EPHB2: variants seen among roughly 807,000 people sequenced by gnomAD.
The protein encoded by EPHB2 is ephrin type-B receptor 2.
In EPHB2, 18 loss-of-function variants were observed where a neutral mutation model predicts 96.4. The observed-to-expected ratio is 0.19, with a 90% CI of 0.13 to 0.28. The LOEUF (loss-of-function observed/expected upper bound fraction) is 0.28, where lower values mean the gene tolerates loss of function less well. EPHB2 is among the 10% of genes least tolerant of loss of function. EPHB2 has a pLI of 1.00. For missense variants in EPHB2, 989 were observed against 1,355.4 expected (o/e 0.73, Z 4.25); for synonymous variants, 506 against 534.1 (o/e 0.95, Z 0.72).
At chr1:22,768,278 A>G (rs1644333110) in intron 1 of EPHB2, among the ~76,000 whole-genome samples, 1 of 152,128 alleles carries the variant, frequency 6.6e-6, no homozygotes, top group Non-Finnish European at 1.5e-5. Context: ...CAGTTTCCTC[A>G]TCTGTAACAT....
At chr1:22,804,549 GACTC>G (rs1202629250) in intron 3 of EPHB2, among the ~76,000 whole-genome samples, 1 of 152,028 alleles carries the variant, frequency 6.6e-6, no homozygotes, top group Non-Finnish European at 1.5e-5. Flanking sequence ...CAGTCATGCA[GACTC>G]ACTCACAGTC....
At chr1:22,907,006 G>A in intron 11 of EPHB2, 49 bp downstream of exon 11, 2 of 1,560,376 alleles carry the variant, frequency 1.3e-6, no homozygotes, top group African/African-American at 1.4e-5. Flanking sequence ...GCAGGAAAAG[G>A]AACGATGGAC....
At chr1:22,742,225 C>T (rs1643912803) in intron 1 of EPHB2, among the ~76,000 whole-genome samples, 1 of 152,150 alleles carries the variant, frequency 6.6e-6, no homozygotes, top group South Asian at 2.1e-4. Context: ...CATAGGGTCC[C>T]TGACATGAGG....
In EPHB2 at chr1:22,741,697, C is replaced by CA. The variant is rs1219464678; in HGVS notation, c.61+30660dup. Among the ~76,000 whole-genome samples, 41 of 57,402 alleles carry CA rather than the reference C, an allele frequency of 7.1e-4. 1 individual carries two copies. The highest frequency in any genetic ancestry group is 1.5e-3 in the African/African-American group (32 of 20,806). The allele number at this position is 57,402 out of a possible 152,430, so 37.7% of individuals were successfully genotyped here. A position where few individuals can be genotyped will look rare whatever the true frequency, so the allele number is the denominator to read the frequency against. On this transcript the variant is annotated intron_variant, in intron 1 of 15. Transcript: ENST00000374630. ...TTCCCAGCAAAAAAAAACAAAAAAACAAAAAACCTCAGTTTCTCACGTTGG... is the reference window on the plus strand; with the variant it reads ...TTCCCAGCAAAAAAAAACAAAAAAACAAAAAAACCTCAGTTTCTCACGTTGG...
intron 4 of EPHB2, among the ~76,000 whole-genome samples, chr1:22,864,325 T>A (rs1262648080): frequency 6.7e-6 from 1 of 148,424 alleles, no homozygotes; most frequent in East Asian, 1.9e-4. Flanking sequence ...GGATTACAGG[T>A]GTTAGCCACT....
At chr1:22,827,649 G>A (rs543738908) in intron 3 of EPHB2, among the ~76,000 whole-genome samples, 3 of 152,198 alleles carry the variant, frequency 2.0e-5, no homozygotes, top group African/African-American at 7.2e-5. Context: ...CATGTAAAGC[G>A]CCTGGGTCAT....
chr1:22,785,593 T>C (rs138333344), intron 3 of EPHB2, among the ~76,000 whole-genome samples: 40 of 152,346 alleles, frequency 2.6e-4, no homozygotes, highest in African/African-American at 8.4e-4. Context: ...GAGAGCCAAA[T>C]GGATGGAGCA....
intron 1 of EPHB2, among the ~76,000 whole-genome samples, chr1:22,766,373 C>A (rs907301391): frequency 7.9e-5 from 12 of 152,162 alleles, no homozygotes; most frequent in Non-Finnish European, 1.6e-4. Flanking sequence ...TGATTATTAT[C>A]CCTGTTCAAA....
chr1:22,712,487 G>C (rs562700258), intron 1 of EPHB2, among the ~76,000 whole-genome samples: 1 of 152,320 alleles, frequency 6.6e-6, no homozygotes, highest in East Asian at 1.9e-4. Flanking sequence ...AGACGTGGGG[G>C]CTGCGGCCTC....
Position 22,858,793 on chromosome 1 carries a change from C to T in EPHB2, c.812-4244C>T, listed in dbSNP as rs1168508673. On this transcript the variant is annotated intron_variant, in intron 3 of 15. Coordinates refer to ENST00000374630, the MANE Select transcript of EPHB2 (RefSeq NM_017449.5). This position sits in a 1 kb window ranked among gnomAD's most constrained non-coding sequence, Gnocchi z 7.7. Reference sequence around the variant, plus strand: ...AGAATTGGCCTCTGCTACTGAAGAGCTATGTCTGTCTGTTCCTCTCTGGGC... The same window carrying T: ...AGAATTGGCCTCTGCTACTGAAGAGTTATGTCTGTCTGTTCCTCTCTGGGC... 2.0e-5 allele frequency among the ~76,000 whole-genome samples: 3 copies of T among 152,158 alleles called. No homozygotes were observed. Among genetic ancestry groups the T allele is most frequent in the Non-Finnish European group, 4.4e-5 (3 of 68,026 alleles).
In EPHB2 at chr1:22,912,533, A is replaced by G. The variant is rs760652225; in HGVS notation, c.2786A>G (p.Gln929Arg). The change falls in exon 15 of 16, where the codon CAG becomes CGG. Residue 929 changes from glutamine to arginine, a missense_variant. Transcript: ENST00000374630. ...TGGCTGGAGGCCATCAAGATGGGGC[A>G]GTACAAGGAGAGCTTCGCCAATGCC... is the stretch of plus-strand genomic sequence containing the variant. ...DEWLEAIKMG[Q>R]YKESFANAGF... is the part of the protein sequence containing the mutation. 4 of 1,614,174 alleles carry G rather than the reference A, an allele frequency of 2.5e-6. No homozygotes were observed. Among genetic ancestry groups the G allele is most frequent in the Non-Finnish European group, 3.4e-6 (4 of 1,180,044 alleles).
Position 22,762,979 on chromosome 1 carries a change from G to A in EPHB2, c.62-18442G>A, listed in dbSNP as rs570087185. Among the ~76,000 whole-genome samples, 17 of 152,216 alleles carry A rather than the reference G, an allele frequency of 1.1e-4. No individual in the cohort carries two copies. The East Asian group carries it at 2.3e-3, about 21-fold the overall frequency. Reference sequence around the variant, plus strand: ...TCTAGTGCCTATGACCAGCCACCACGCAGACCCTCAGTGAGGCAGACAAGG... The same window carrying A: ...TCTAGTGCCTATGACCAGCCACCACACAGACCCTCAGTGAGGCAGACAAGG... On this transcript the variant is annotated intron_variant, in intron 1 of 15. Transcript: ENST00000374630.
At chr1:22,851,742 A>T (rs1481664290) in intron 3 of EPHB2, among the ~76,000 whole-genome samples, 1 of 152,176 alleles carries the variant, frequency 6.6e-6, no homozygotes, top group African/African-American at 2.4e-5. Context: ...CTCACGTGCT[A>T]GCAACCCTGA....
intron 1 of EPHB2, among the ~76,000 whole-genome samples, chr1:22,716,560 A>C (rs1643301066): frequency 6.6e-6 from 1 of 151,982 alleles, no homozygotes; most frequent in Non-Finnish European, 1.5e-5. Flanking sequence ...GCTGGTCTCG[A>C]ACTCCTGACC....
chr1:22,819,205 GTCTCTCTC>G (rs71020453), intron 3 of EPHB2, among the ~76,000 whole-genome samples: 2,484 of 103,426 alleles, frequency 0.024, 80 homozygotes, highest in African/African-American at 0.077. Flanking sequence ...CCCAGCAGAT[GTCTCTCTC>G]TCTCTCTCTC....
At chr1:22,789,809 A>G (rs1644665597) in intron 3 of EPHB2, among the ~76,000 whole-genome samples, 1 of 152,172 alleles carries the variant, frequency 6.6e-6, no homozygotes. Context: ...AACAATAGAG[A>G]TCAAAAAGTG....
At chr1:22,823,339 T>C (rs928612503) in intron 3 of EPHB2, among the ~76,000 whole-genome samples, 1 of 152,234 alleles carries the variant, frequency 6.6e-6, no homozygotes, top group Non-Finnish European at 1.5e-5. Flanking sequence ...GTCTGTATTA[T>C]AATGTATAGA....
intron 3 of EPHB2, among the ~76,000 whole-genome samples, chr1:22,812,549 G>T (rs114558025): frequency 2.0e-5 from 3 of 152,170 alleles, no homozygotes; most frequent in Admixed American, 6.5e-5. Flanking sequence ...TGTGGAGAGC[G>T]AGACGTTGCC....
At chr1:22,841,242 T>C (rs192866350) in intron 3 of EPHB2, among the ~76,000 whole-genome samples, 1 of 152,358 alleles carries the variant, frequency 6.6e-6, no homozygotes, top group Non-Finnish European at 1.5e-5. Context: ...CTGTGTCTTA[T>C]CTAAGTAGTT....
Sources: allele counts gnomAD v4.1 joint callset (sites outside exome capture counted in the v4.1 genomes callset), GRCh38; gene constraint gnomAD v4.1.1; non-coding constraint Gnocchi (gnomAD v3.1); transcripts MANE v1.5; gene names NCBI Gene and HGNC (gene_info 2026-07-23, HGNC 2026-07-21).